Variants in ATRNL1 observed in about 807,000 individuals in gnomAD.
ATRNL1 encodes attractin like 1, also known as attractin-like protein 1.
A neutral mutation model predicts 182.7 loss-of-function variants in ATRNL1; 95 were observed. That is an observed-to-expected ratio of 0.52 (90% CI 0.44 to 0.62). The LOEUF is 0.62. ATRNL1 is among the 20% of genes least tolerant of loss of function. ATRNL1 has a pLI of 0.00. For missense variants in ATRNL1, 1,471 were observed against 1,679.5 expected (o/e 0.88, Z 2.17); for synonymous variants, 576 against 568.3 (o/e 1.01, Z -0.19).
chr10:115,617,746 T>C (rs1202823960), intron 26 of ATRNL1, among the ~76,000 whole-genome samples: 1 of 152,190 alleles, frequency 6.6e-6, no homozygotes, highest in Non-Finnish European at 1.5e-5. Context: ...TTTGAGTTAG[T>C]GCTGGAATGA....
At chr10:115,614,050 T>C (rs1271827442) in intron 26 of ATRNL1, among the ~76,000 whole-genome samples, 1 of 152,012 alleles carries the variant, frequency 6.6e-6, no homozygotes, top group African/African-American at 2.4e-5. Context: ...CTTTGTTATT[T>C]ATTTTTTATA....
chr10:115,100,862 A>G (rs1284288490), intron 1 of ATRNL1, among the ~76,000 whole-genome samples: 2 of 152,206 alleles, frequency 1.3e-5, no homozygotes, highest in Non-Finnish European at 2.9e-5. Flanking sequence ...AGTTTCCTAC[A>G]TGGTATATCT....
chr10:115,782,742 C>T lies in ATRNL1; in HGVS notation c.3903+55387C>T, dbSNP rs150799788. On this transcript the variant is annotated intron_variant, in intron 27 of 28. Transcript: ENST00000355044. ...TTTCAATCTGTAACTTAATAATAGCCCTTGGCAGTGAAATGTCTTGAATGG... is the reference window on the plus strand; with the variant it reads ...TTTCAATCTGTAACTTAATAATAGCTCTTGGCAGTGAAATGTCTTGAATGG... Among the ~76,000 whole-genome samples the T allele has an allele frequency of 1.6e-3, 241 of 152,186 alleles. 2 individuals are homozygous for T. The highest frequency in any genetic ancestry group is 5.7e-3 in the African/African-American group (235 of 41,510).
intron 19 of ATRNL1, among the ~76,000 whole-genome samples, chr10:115,340,379 C>T (rs1310684111): frequency 2.0e-5 from 3 of 151,568 alleles, no homozygotes; most frequent in Admixed American, 1.3e-4. Flanking sequence ...CTGACCTTGG[C>T]ATCTGACAGC....
chr10:115,370,426 A>G (rs1253832997), intron 19 of ATRNL1, among the ~76,000 whole-genome samples: 1 of 152,204 alleles, frequency 6.6e-6, no homozygotes, highest in African/African-American at 2.4e-5. Context: ...GGCTTTGACT[A>G]AAATGCTGAT....
chr10:115,491,667 T>C (rs572058804), intron 24 of ATRNL1, among the ~76,000 whole-genome samples: 1 of 152,252 alleles, frequency 6.6e-6, no homozygotes, highest in South Asian at 2.1e-4. Flanking sequence ...AGCCAGTGGA[T>C]CTTAGCTTGC....
At chr10:115,422,572 A>G (rs1393912446) in intron 20 of ATRNL1, among the ~76,000 whole-genome samples, 1 of 152,232 alleles carries the variant, frequency 6.6e-6, no homozygotes, top group Non-Finnish European at 1.5e-5. Flanking sequence ...GGGACCTTAT[A>G]CATTGCTGGT....
intron 1 of ATRNL1, chr10:115,096,837 C>A: frequency 8.9e-7 from 1 of 1,125,608 alleles, no homozygotes; most frequent in Non-Finnish European, 1.1e-6. Context: ...CTTCCTTACA[C>A]AGGTAAAACA....
intron 24 of ATRNL1, among the ~76,000 whole-genome samples, chr10:115,474,655 G>A (rs577487692): frequency 3.3e-5 from 5 of 151,288 alleles, no homozygotes; most frequent in Admixed American, 6.6e-5. Context: ...CTTGAGTCTG[G>A]TGGTGGATGA....
intron 24 of ATRNL1, among the ~76,000 whole-genome samples, chr10:115,496,059 A>G (rs1849535606): frequency 6.6e-6 from 1 of 152,152 alleles, no homozygotes; most frequent in Admixed American, 6.6e-5. Flanking sequence ...TGTAACCACT[A>G]CCATTGTATA....
chr10:115,854,409 A>G (rs575283820), intron 28 of ATRNL1, among the ~76,000 whole-genome samples: 5 of 152,288 alleles, frequency 3.3e-5, no homozygotes, highest in African/African-American at 1.2e-4. Context: ...CGATGGCTAT[A>G]GAGCACCTCC....
intron 5 of ATRNL1, among the ~76,000 whole-genome samples, chr10:115,129,975 G>A (rs139205758): frequency 6.6e-6 from 1 of 152,124 alleles, no homozygotes; most frequent in South Asian, 2.1e-4. Context: ...CTGACATCTT[G>A]TGGCTATTTT....
At chr10:115,262,983 T>C (rs1156564763) in intron 10 of ATRNL1, among the ~76,000 whole-genome samples, 2 of 151,878 alleles carry the variant, frequency 1.3e-5, no homozygotes, top group Non-Finnish European at 2.9e-5. Flanking sequence ...TCTTTTCTTA[T>C]ACCTCTTGGA....
chr10:115,359,614 C>A (rs1255239217), intron 19 of ATRNL1, among the ~76,000 whole-genome samples: 6 of 151,476 alleles, frequency 4.0e-5, no homozygotes, highest in Non-Finnish European at 5.9e-5. Context: ...ATTCTCATAA[C>A]TCTTATTGAG....
intron 27 of ATRNL1, among the ~76,000 whole-genome samples, chr10:115,775,383 T>C (rs1555077619): frequency 6.6e-6 from 1 of 152,210 alleles, no homozygotes; most frequent in African/African-American, 2.4e-5. Context: ...ATACAGAGCT[T>C]TCTTTCTTAA....
intron 18 of ATRNL1, among the ~76,000 whole-genome samples, chr10:115,321,671 CT>C (rs528619167): frequency 0.018 from 2,231 of 125,768 alleles, 47 homozygotes; most frequent in African/African-American, 0.055. Flanking sequence ...AAGGTGAAAG[CT>C]TTTTTTTTTT....
At chr10:115,678,265 C>A (rs1462767835) in intron 26 of ATRNL1, among the ~76,000 whole-genome samples, 1 of 152,094 alleles carries the variant, frequency 6.6e-6, no homozygotes, top group Non-Finnish European at 1.5e-5. Flanking sequence ...AACAGGTTTA[C>A]ACCACTGTAC....
intron 19 of ATRNL1, among the ~76,000 whole-genome samples, chr10:115,369,253 G>T (rs1857254421): frequency 1.3e-5 from 2 of 150,716 alleles, no homozygotes; most frequent in Non-Finnish European, 3.0e-5. Context: ...ATGAGGATAG[G>T]GGTTGTGTGA....
At chr10:115,116,503 A>G (rs1844491255) in intron 1 of ATRNL1, among the ~76,000 whole-genome samples, 1 of 152,046 alleles carries the variant, frequency 6.6e-6, no homozygotes, top group Non-Finnish European at 1.5e-5. Flanking sequence ...GGAGTGCAAG[A>G]CTTCTGAATT....
Sources: allele counts gnomAD v4.1 joint callset (sites outside exome capture counted in the v4.1 genomes callset), GRCh38; gene constraint gnomAD v4.1.1; transcripts MANE v1.5; gene names NCBI Gene and HGNC (gene_info 2026-07-23, HGNC 2026-07-21).